Variants in TRIM13 observed in about 807,000 individuals in gnomAD.
The protein encoded by TRIM13 is E3 ubiquitin-protein ligase TRIM13.
Under a neutral mutation model 27.1 loss-of-function variants are expected in TRIM13, and 15 were observed. The ratio of observed to expected loss-of-function variants is 0.55; its 90% CI spans 0.37 to 0.85. The LOEUF is 0.85. Ranked by LOEUF, TRIM13 falls within the 40% of genes least tolerant of loss-of-function variation. TRIM13 has a pLI of 0.00. For synonymous variants in TRIM13, 193 were observed against 171.5 expected (o/e 1.13, Z -0.98); for missense variants, 402 against 472.2 (o/e 0.85, Z 1.38).
chr13:50,012,078 G>C lies in TRIM13; in HGVS notation c.138G>C (p.Leu46Phe). Residue 46 changes from leucine to phenylalanine, a missense_variant, in exon 2 of 2, where the codon TTG becomes TTC. This residue lies in a region of TRIM13 where 202 missense variants were observed against 277.5 expected (regional missense o/e 0.73). Coordinates refer to ENST00000378182, the MANE Select transcript of TRIM13 (RefSeq NM_213590.3). Reference protein sequence around the residue: ...GILEGSVRNSLWRPAPFKCPT... With the variant: ...GILEGSVRNSFWRPAPFKCPT... Reference sequence around the variant, plus strand: ...TAGAAGGGAGTGTGCGGAATTCCTTGTGGAGACCAGCTCCATTCAAGTGTC... The same window carrying C: ...TAGAAGGGAGTGTGCGGAATTCCTTCTGGAGACCAGCTCCATTCAAGTGTC... 1 of 1,614,102 alleles carries C rather than the reference G, an allele frequency of 6.2e-7. No homozygotes were observed. Among genetic ancestry groups the C allele is most frequent in the Non-Finnish European group, 8.5e-7 (1 of 1,180,012 alleles).
At position 50,016,218 on chromosome 13, in the gene TRIM13, C is replaced by T. The variant is rs993057219; in HGVS notation, c.*3054C>T. The T allele has an allele frequency of 6.5e-6, 4 of 613,394 alleles. No homozygotes were observed. The highest frequency in any genetic ancestry group is 3.1e-5 in the Admixed American group (1 of 31,890). The allele number at this position is 613,394 out of a possible 1,614,324, so 38.0% of individuals were successfully genotyped here. The stretch of plus-strand genomic sequence containing the variant: ...TAACCAGTGGAGTTGGGTAGAATGA[C>T]CAAATAATTATTTTCCAAACTGGGA... On this transcript the variant is annotated 3_prime_UTR_variant, in exon 2 of 2. Coordinates refer to ENST00000378182, the MANE Select transcript of TRIM13 (RefSeq NM_213590.3).
chr13:49,999,433 C>T (rs747670952), intron 1 of TRIM13, among the ~76,000 whole-genome samples: 11 of 152,182 alleles, frequency 7.2e-5, no homozygotes, highest in Non-Finnish European at 1.3e-4. Context: ...CTCCTAAACC[C>T]ACTCCTTGTG....
In TRIM13 at chr13:50,013,186, TTTC is replaced by T. The variant is rs767906396; in HGVS notation, c.*25_*27del. 10 of 1,513,058 alleles carry T rather than the reference TTTC, an allele frequency of 6.6e-6. 1 individual carries two copies. The South Asian group carries it at 1.4e-4, about 21-fold the overall frequency. 93.7% of individuals were successfully genotyped at this position (1,513,058 alleles called of 1,614,324 possible). A position where few individuals can be genotyped will look rare whatever the true frequency, so the allele number is the denominator to read the frequency against. On this transcript the variant is annotated 3_prime_UTR_variant, in exon 2 of 2. Transcript: ENST00000378182. ...ATAAAATCTGTTTCAAGTATGCAGT[TTTC>T]TTTTGTTAGAAATTGTTAGAGAATA...
chr13:50,013,049 T>C lies in TRIM13; in HGVS notation c.1109T>C (p.Phe370Ser). 14 of 1,613,968 alleles carry C rather than the reference T, an allele frequency of 8.7e-6. No homozygotes were observed. The highest frequency in any genetic ancestry group is 1.2e-5 in the Non-Finnish European group (14 of 1,179,982). The stretch of plus-strand genomic sequence containing the variant: ...GCCGATTTCATAGAACAATCAGTTT[T>C]TTACTGGGAACAGGTGACAGATGGG... ...KTADFIEQSV[F>S]YWEQVTDGFF... Residue 370 changes from phenylalanine (F) to serine (S), a missense_variant, in exon 2 of 2, where the codon TTT becomes TCT. By Grantham distance (155) the Phe-to-Ser change is radical. Coordinates refer to ENST00000378182, the MANE Select transcript of TRIM13 (RefSeq NM_213590.3).
rs1489719650 is a variant in TRIM13, at chr13:50,014,451, A to G, written c.*1287A>G. On this transcript the variant is annotated 3_prime_UTR_variant, in exon 2 of 2. Transcript: ENST00000378182. Reference sequence around the variant, plus strand: ...GGCAAGAGCAGGAAATGGGAAGACTACCTTTTTTCTGGCAGCTATGTGTTG... The same window carrying G: ...GGCAAGAGCAGGAAATGGGAAGACTGCCTTTTTTCTGGCAGCTATGTGTTG... The G allele has an allele frequency of 6.1e-6, 1 of 164,002 alleles. No homozygotes were observed. The highest frequency in any genetic ancestry group is 1.5e-5 in the Non-Finnish European group (1 of 67,604). The allele number at this position is 164,002 out of a possible 1,614,324, so 10.2% of individuals were successfully genotyped here.
In TRIM13 at chr13:50,014,747, T is replaced by C. The variant is rs895667868; in HGVS notation, c.*1583T>C. ...CTTATTTGTGTCATAGAGTAAGATA[T>C]TCCTTGAAAGCCCATTAAGTGGAAT... On this transcript the variant is annotated 3_prime_UTR_variant, in exon 2 of 2. Transcript: ENST00000378182. 6.0e-6 allele frequency: 1 copy of C among 166,822 alleles called. No individual in the cohort carries two copies. Among genetic ancestry groups the C allele is most frequent in the Non-Finnish European group, 1.5e-5 (1 of 68,086 alleles). 10.3% of individuals were successfully genotyped at this position (166,822 alleles called of 1,614,324 possible).
chr13:50,012,168 G>A lies in TRIM13; in HGVS notation c.228G>A (p.Lys76=), dbSNP rs774431208. 1.9e-5 allele frequency: 30 copies of A among 1,614,032 alleles called. No individual in the cohort carries two copies. The highest frequency in any genetic ancestry group is 2.5e-5 in the Non-Finnish European group (29 of 1,180,030). The change falls in exon 2 of 2, where the codon AAG becomes AAA. Residue 76 remains lysine (K), a synonymous_variant. Transcript: ENST00000378182. ...INSLQVNYSL[K]GIVEKYNKIK... is the part of the protein sequence containing the mutation. ...GCCTGCAGGTTAATTACTCCCTGAA[G>A]GGTATTGTGGAAAAGTATAACAAGA...
intron 1 of TRIM13, among the ~76,000 whole-genome samples, chr13:50,004,257 A>G (rs1351197938): frequency 6.6e-6 from 1 of 152,118 alleles, no homozygotes; most frequent in South Asian, 2.1e-4. Flanking sequence ...CAGGAGTTTG[A>G]GACCAGCCTG....
chr13:50,009,750 A>AC (rs1187092132), intron 1 of TRIM13, among the ~76,000 whole-genome samples: 4 of 137,168 alleles, frequency 2.9e-5, no homozygotes, highest in Admixed American at 7.8e-5. Context: ...AAAAAAAAAA[A>AC]AAAAAAAACA....
chr13:50,001,373 T>A (rs1232475642), intron 1 of TRIM13, among the ~76,000 whole-genome samples: 1 of 151,996 alleles, frequency 6.6e-6, no homozygotes, highest in African/African-American at 2.4e-5. Context: ...GGAAAAAGTT[T>A]TTCTTAGTGC....
intron 1 of TRIM13, among the ~76,000 whole-genome samples, chr13:50,009,033 AAAAAAAAAAAGAG>A (rs1168117526): frequency 2.8e-5 from 4 of 143,248 alleles, no homozygotes; most frequent in Non-Finnish European, 6.1e-5. Flanking sequence ...AAAAAAAAAA[AAAAAAAAAAAGAG>A]AATCCCAAGA....
chr13:50,009,555 G>A (rs1875280750), intron 1 of TRIM13, among the ~76,000 whole-genome samples: 1 of 151,966 alleles, frequency 6.6e-6, no homozygotes, highest in Admixed American at 6.6e-5. Context: ...TGGCCAACGT[G>A]GTGAAACCCC....
chr13:49,998,800 G>A (rs937525350), intron 1 of TRIM13, among the ~76,000 whole-genome samples: 2 of 151,580 alleles, frequency 1.3e-5, no homozygotes, highest in Admixed American at 6.6e-5. Flanking sequence ...GTGGGGGTGC[G>A]TGCACCTGTA....
rs1176204329 is a variant in TRIM13, at chr13:50,016,458, CTT to C, written c.*3295_*3296del. On this transcript the variant is annotated 3_prime_UTR_variant, in exon 2 of 2. Transcript: ENST00000378182. The stretch of plus-strand genomic sequence containing the variant: ...CATAAAGGCTCGCTCACTGGTTTCT[CTT>C]GAGTTCCTTACACACTATATAAGTT... 1 of 205,848 alleles carries C rather than the reference CTT, an allele frequency of 4.9e-6. No homozygotes were observed. Among genetic ancestry groups the C allele is most frequent in the South Asian group, 1.1e-4 (1 of 9,092 alleles). 12.8% of individuals were successfully genotyped at this position (205,848 alleles called of 1,614,324 possible).
Position 50,012,914 on chromosome 13 carries a change from G to T in TRIM13, c.974G>T (p.Gly325Val), listed in dbSNP as rs746696634. 1.2e-6 allele frequency: 2 copies of T among 1,613,670 alleles called. No individual in the cohort carries two copies. Among genetic ancestry groups the T allele is most frequent in the African/African-American group, 1.3e-5 (1 of 74,822 alleles). Reference sequence around the variant, plus strand: ...TTATTTTTGCTAATCCTTCTGCTTGGCCTTGTCATTGTCTTTGGTCCTACC... The same window carrying T: ...TTATTTTTGCTAATCCTTCTGCTTGTCCTTGTCATTGTCTTTGGTCCTACC... ...YKLFLLILLL[G>V]LVIVFGPTMF... Residue 325 changes from glycine to valine, a missense_variant, in exon 2 of 2, where the codon GGC (glycine) becomes GTC (valine). This residue lies in a region of TRIM13 where 200 missense variants were observed against 194.7 expected (regional missense o/e 1.03). Transcript: ENST00000378182.
At position 50,012,656 on chromosome 13, in the gene TRIM13, TC is replaced by T. The variant is rs1338999178; in HGVS notation, c.717del (p.Phe239LeufsTer23). ...ATGGCCTTTAACATTGCTGAGGCTT[TC>T]AAAGATGTGTCAGAACCCATTGTAT... ...QRMAFNIAEA[F>X]KDVSEPIVFL... is the part of the protein sequence containing the mutation. On this transcript the variant is annotated frameshift_variant, in exon 2 of 2. Transcript: ENST00000378182. LOFTEE classifies it high-confidence loss of function. 1 of 1,614,130 alleles carries T rather than the reference TC, an allele frequency of 6.2e-7. No individual in the cohort carries two copies. The highest frequency in any genetic ancestry group is 2.2e-5 in the East Asian group (1 of 44,882).
intron 1 of TRIM13, among the ~76,000 whole-genome samples, chr13:50,009,702 A>G (rs527975881): frequency 4.9e-5 from 7 of 142,192 alleles, no homozygotes; most frequent in African/African-American, 1.8e-4. Context: ...GCACCACTGC[A>G]CTCCAGCCTG....
At chr13:49,997,940 T>G (rs1333839745) in intron 1 of TRIM13, among the ~76,000 whole-genome samples, 177 bp downstream of exon 1, 5 of 152,220 alleles carry the variant, frequency 3.3e-5, no homozygotes, top group Admixed American at 2.6e-4. Context: ...AATTCACGTT[T>G]AGCAATTATT....
Position 50,015,341 on chromosome 13 carries a change from ACCTTACAGTAGTTT to A in TRIM13, c.*2181_*2194del, listed in dbSNP as rs1594592792. Reference sequence around the variant, plus strand: ...AAACACAGCCATGGATACACTATTTACCTTACAGTAGTTTCCTGGGAATCTAAGTCTGGTTTTTG... The same window carrying A: ...AAACACAGCCATGGATACACTATTTACCTGGGAATCTAAGTCTGGTTTTTG... On this transcript the variant is annotated 3_prime_UTR_variant, in exon 2 of 2. Transcript: ENST00000378182. 3 of 643,100 alleles carry A rather than the reference ACCTTACAGTAGTTT, an allele frequency of 4.7e-6. No homozygotes were observed. In the East Asian group the frequency reaches 8.1e-5, roughly 17 times the overall value. 39.8% of individuals were successfully genotyped at this position (643,100 alleles called of 1,614,324 possible). A position where few individuals can be genotyped will look rare whatever the true frequency, so the allele number is the denominator to read the frequency against.
Sources: gnomAD v4.1 joint callset for allele counts (sites outside exome capture counted in the v4.1 genomes callset) on GRCh38, gnomAD v4.1.1 for gene constraint, gnomAD v4.1.1 regional missense constraint, MANE v1.5 for transcripts, NCBI Gene and HGNC (gene_info 2026-07-23, HGNC 2026-07-21) for gene names.